The following THEMIS variants were observed in gnomAD, a reference collection of about 807,000 sequenced individuals.
The protein encoded by THEMIS is protein THEMIS.
THEMIS carries 37 observed loss-of-function variants against 52.6 expected under a neutral mutation model. The observed-to-expected ratio is 0.70, with a 90% CI of 0.54 to 0.93. The LOEUF is 0.93. THEMIS is among the 40% of genes least tolerant of loss of function. The pLI is 0.00. For missense variants in THEMIS, 808 were observed against 763.1 expected (o/e 1.06, Z -0.69); for synonymous variants, 292 against 272.7 (o/e 1.07, Z -0.70).
chr6:127,757,162 A>T (rs1775855810), intron 4 of THEMIS, among the ~76,000 whole-genome samples: 1 of 152,198 alleles, frequency 6.6e-6, no homozygotes, highest in Admixed American at 6.5e-5. Context: ...ATTTTAGCTA[A>T]TTTAAATGTT....
At chr6:127,820,693 C>T (rs1186528531) in intron 3 of THEMIS, among the ~76,000 whole-genome samples, 8 of 152,040 alleles carry the variant, frequency 5.3e-5, no homozygotes, top group Admixed American at 4.6e-4. Flanking sequence ...AGCCCATAGA[C>T]ATCCAATTTA....
chr6:127,853,878 A>G (rs1779514541), intron 2 of THEMIS, among the ~76,000 whole-genome samples: 1 of 151,688 alleles, frequency 6.6e-6, no homozygotes, highest in African/African-American at 2.4e-5. Flanking sequence ...GAAGTGGCAG[A>G]GCTGGGATTC....
At chr6:127,805,681 G>T (rs1389895879) in intron 4 of THEMIS, among the ~76,000 whole-genome samples, 2 of 152,000 alleles carry the variant, frequency 1.3e-5, no homozygotes, top group Non-Finnish European at 2.9e-5. Flanking sequence ...GGTTTGGGAA[G>T]CAAAGCATAA....
intron 3 of THEMIS, among the ~76,000 whole-genome samples, chr6:127,825,780 G>A (rs577732593): frequency 2.7e-4 from 41 of 152,268 alleles, no homozygotes; most frequent in African/African-American, 8.9e-4. Flanking sequence ...TAGCCTTCCT[G>A]ATAGTTTGGG....
chr6:127,776,591 G>A (rs974807630), intron 4 of THEMIS, among the ~76,000 whole-genome samples: 6 of 152,312 alleles, frequency 3.9e-5, no homozygotes, highest in East Asian at 1.9e-4. Context: ...GACTGAGGTA[G>A]CATCATAAAA....
intron 4 of THEMIS, among the ~76,000 whole-genome samples, chr6:127,720,504 C>T (rs1774325532): frequency 6.6e-6 from 1 of 151,888 alleles, no homozygotes; most frequent in Non-Finnish European, 1.5e-5. Flanking sequence ...AATTAAACTT[C>T]CAGTACTTAA....
the THEMIS span, among the ~76,000 whole-genome samples, chr6:127,700,767 G>T: frequency 6.6e-6 from 1 of 152,128 alleles, no homozygotes; most frequent in East Asian, 1.9e-4. Context: ...TTTGCTGAAT[G>T]TCTGCATTCT....
chr6:127,701,297 A>G, the THEMIS span, among the ~76,000 whole-genome samples: 1 of 152,086 alleles, frequency 6.6e-6, no homozygotes. Flanking sequence ...TCATACAGTA[A>G]ATACTATTCT....
In THEMIS at chr6:127,709,886, G is replaced by T; in HGVS notation, c.*99C>A. On this transcript the variant is annotated 3_prime_UTR_variant, in exon 6 of 6. Transcript: ENST00000368248. ...GCAGCGATGAATCAAGTTTCTTCTG[G>T]AGTCCATTGGGGAATACTCGTTTTT... 2 of 1,001,826 alleles carry T rather than the reference G, an allele frequency of 2.0e-6. No homozygotes were observed. Among genetic ancestry groups the T allele is most frequent in the Middle Eastern group, 2.1e-4 (1 of 4,792 alleles). The allele number at this position is 1,001,826 out of a possible 1,614,324, so 62.1% of individuals were successfully genotyped here. A position where few individuals can be genotyped will look rare whatever the true frequency, so the allele number is the denominator to read the frequency against.
intron 2 of THEMIS, among the ~76,000 whole-genome samples, chr6:127,842,549 G>A (rs1264644006): frequency 6.6e-6 from 1 of 151,766 alleles, no homozygotes; most frequent in East Asian, 1.9e-4. Flanking sequence ...ACGGCTTAAG[G>A]GATATAGTCA....
At chr6:127,896,120 G>A (rs762361201) in intron 1 of THEMIS, among the ~76,000 whole-genome samples, 4 of 151,154 alleles carry the variant, frequency 2.6e-5, no homozygotes, top group Non-Finnish European at 5.9e-5. Context: ...ATATATTCAA[G>A]TTTTTAAAAC....
At chr6:127,733,317 T>C (rs1045347422) in intron 4 of THEMIS, among the ~76,000 whole-genome samples, 1 of 152,252 alleles carries the variant, frequency 6.6e-6, no homozygotes, top group Admixed American at 6.5e-5. Context: ...ACTTCCTTAA[T>C]GTTGTTTCTA....
intron 4 of THEMIS, among the ~76,000 whole-genome samples, chr6:127,802,323 C>T (rs184551343): frequency 2.0e-5 from 3 of 152,294 alleles, no homozygotes; most frequent in African/African-American, 4.8e-5. Flanking sequence ...CCTGTAATTG[C>T]GCTTTTCTGT....
chr6:127,746,987 A>G (rs9372880), intron 4 of THEMIS, among the ~76,000 whole-genome samples: 27 of 79,192 alleles, frequency 3.4e-4, no homozygotes, highest in African/African-American at 1.5e-3. Context: ...ATATATAATT[A>G]TATATAGATA....
intron 1 of THEMIS, among the ~76,000 whole-genome samples, chr6:127,880,913 C>A (rs1780465473): frequency 6.6e-6 from 1 of 152,034 alleles, no homozygotes; most frequent in Non-Finnish European, 1.5e-5. Flanking sequence ...CATTTAAAGA[C>A]ATTTCATTTC....
chr6:127,867,266 C>T (rs561708466), intron 1 of THEMIS, among the ~76,000 whole-genome samples: 1 of 152,050 alleles, frequency 6.6e-6, no homozygotes, highest in African/African-American at 2.4e-5. Context: ...ATGAACTCAT[C>T]CCCACCAAAG....
At chr6:127,746,255 A>G (rs1474130259) in intron 4 of THEMIS, among the ~76,000 whole-genome samples, 1 of 151,838 alleles carries the variant, frequency 6.6e-6, no homozygotes, top group Non-Finnish European at 1.5e-5. Flanking sequence ...TAGGCTGTCC[A>G]GGGTAAGCTG....
chr6:127,815,205 A>C (rs1562276384), intron 3 of THEMIS, among the ~76,000 whole-genome samples: 1 of 152,022 alleles, frequency 6.6e-6, no homozygotes, highest in African/African-American at 2.4e-5. Flanking sequence ...TTAACAGGGT[A>C]TTATAATAGT....
At chr6:127,778,823 C>A (rs1366484013) in intron 4 of THEMIS, among the ~76,000 whole-genome samples, 1 of 139,832 alleles carries the variant, frequency 7.2e-6, no homozygotes, top group African/African-American at 2.7e-5. Context: ...AAAAGTCACT[C>A]AAGTGGAATT....
Sources: gnomAD v4.1 joint callset for allele counts (sites outside exome capture counted in the v4.1 genomes callset) on GRCh38, gnomAD v4.1.1 for gene constraint, MANE v1.5 for transcripts, NCBI Gene and HGNC (gene_info 2026-07-23, HGNC 2026-07-21) for gene names.